ABCC4: variants seen among roughly 807,000 people sequenced by gnomAD.
ABCC4 encodes the protein ATP-binding cassette sub-family C member 4.
A neutral mutation model predicts 168.5 loss-of-function variants in ABCC4; 102 were observed. The observed-to-expected ratio is 0.61, with a 90% CI of 0.52 to 0.71. The LOEUF (loss-of-function observed/expected upper bound fraction) is 0.71, where lower values mean the gene tolerates loss of function less well. ABCC4 is among the 30% of genes least tolerant of loss of function. ABCC4 has a pLI of 0.00. For missense variants in ABCC4, 1,402 were observed against 1,605.8 expected (o/e 0.87, Z 2.17); for synonymous variants, 617 against 590.7 (o/e 1.04, Z -0.65).
intron 19 of ABCC4, among the ~76,000 whole-genome samples, chr13:95,157,522 GAGAAAAGAAAGGAAGGA>G: frequency 6.7e-6 from 1 of 149,062 alleles, no homozygotes; most frequent in Non-Finnish European, 1.5e-5. Context: ...AGGAAGGAAG[GAGAAAAGAAAGGAAGGA>G]AGAAAAGAAA....
intron 7 of ABCC4, 84 bp from the exon 8 acceptor site, chr13:95,206,865 G>A: frequency 6.8e-7 from 1 of 1,477,790 alleles, no homozygotes; most frequent in Non-Finnish European, 9.3e-7. Flanking sequence ...CACTTTGGGA[G>A]CTGAGGTGGA....
intron 3 of ABCC4, among the ~76,000 whole-genome samples, chr13:95,245,908 C>A (rs1409965305): frequency 2.8e-5 from 3 of 108,476 alleles, no homozygotes; most frequent in African/African-American, 9.7e-5. Context: ...CAACAAAATG[C>A]ACCGTGACAA....
At chr13:95,167,067 C>T (rs2037299930) in intron 14 of ABCC4, among the ~76,000 whole-genome samples, 1 of 151,972 alleles carries the variant, frequency 6.6e-6, no homozygotes, top group Non-Finnish European at 1.5e-5. Flanking sequence ...ATCCTAGCTA[C>T]TCGGGAGGCT....
intron 16 of ABCC4, 73 bp from the exon 17 acceptor site, chr13:95,163,720 T>C: frequency 2.3e-6 from 3 of 1,279,900 alleles, no homozygotes; most frequent in Non-Finnish European, 3.4e-6. Flanking sequence ...TCTCAATCGC[T>C]AACATGGACA....
rs187773409 is a variant in ABCC4, at chr13:95,155,242, G to A, written c.2455+5947C>T. On this transcript the variant is annotated intron_variant, in intron 19 of 30. Transcript: ENST00000645237. Reference sequence around the variant, plus strand: ...TTTTTTTTTGGAGACAGGTTGGAGTGCAGTGATGCAATCACAGCTCACTGC... The same window carrying A: ...TTTTTTTTTGGAGACAGGTTGGAGTACAGTGATGCAATCACAGCTCACTGC... Among the ~76,000 whole-genome samples, 5 of 151,400 alleles carry A rather than the reference G, an allele frequency of 3.3e-5. No homozygotes were observed. The East Asian group carries it at 9.7e-4, about 29-fold the overall frequency.
At chr13:95,022,783 G>A (rs1248127622) in intron 30 of ABCC4, among the ~76,000 whole-genome samples, 5 of 152,282 alleles carry the variant, frequency 3.3e-5, no homozygotes, top group South Asian at 2.1e-4. Flanking sequence ...TGGGATTCAC[G>A]TACAAAAAAG....
chr13:95,160,784 T>C (rs2037072405), intron 19 of ABCC4, among the ~76,000 whole-genome samples: 1 of 152,168 alleles, frequency 6.6e-6, no homozygotes, highest in African/African-American at 2.4e-5. Context: ...GCATTCCTGA[T>C]TACAAAGATC....
chr13:95,118,332 C>A (rs2035449496), intron 19 of ABCC4, among the ~76,000 whole-genome samples: 1 of 151,216 alleles, frequency 6.6e-6, no homozygotes, highest in South Asian at 2.1e-4. Flanking sequence ...CAACCTCTGT[C>A]TCCTGGGTTC....
chr13:95,112,944 G>C (rs1338328696), intron 20 of ABCC4, among the ~76,000 whole-genome samples: 1 of 152,118 alleles, frequency 6.6e-6, no homozygotes, highest in Non-Finnish European at 1.5e-5. Flanking sequence ...AAGTCATCCA[G>C]GAAATTTCCT....
At chr13:95,067,307 T>A (rs1375352745) in intron 25 of ABCC4, among the ~76,000 whole-genome samples, 1 of 152,180 alleles carries the variant, frequency 6.6e-6, no homozygotes, top group East Asian at 1.9e-4. Flanking sequence ...TGTAAATTCA[T>A]AATTTGCAGA....
intron 4 of ABCC4, among the ~76,000 whole-genome samples, chr13:95,212,915 G>A (rs1412594628): frequency 6.6e-6 from 1 of 151,974 alleles, no homozygotes; most frequent in Admixed American, 6.6e-5. Flanking sequence ...ATCACCTGAG[G>A]TCGGGAGTTC....
chr13:95,227,153 G>A (rs2039488671), intron 4 of ABCC4, among the ~76,000 whole-genome samples: 1 of 152,126 alleles, frequency 6.6e-6, no homozygotes, highest in Non-Finnish European at 1.5e-5. Context: ...CAGATGATGG[G>A]ACGCATCTGA....
chr13:95,202,860 A>G (rs2038670549), intron 8 of ABCC4, among the ~76,000 whole-genome samples: 1 of 151,916 alleles, frequency 6.6e-6, no homozygotes, highest in African/African-American at 2.4e-5. Context: ...GGGTTTCACC[A>G]TGCTGGCCAG....
intron 19 of ABCC4, among the ~76,000 whole-genome samples, chr13:95,146,783 T>G (rs2036514465): frequency 6.6e-6 from 1 of 152,170 alleles, no homozygotes; most frequent in African/African-American, 2.4e-5. Flanking sequence ...GCTTAAGTTG[T>G]CAAATAAATT....
chr13:95,161,110 T>C (rs2037084143), intron 19 of ABCC4, 79 bp downstream of exon 19: 1 of 1,155,260 alleles, frequency 8.7e-7, no homozygotes. Context: ...CCTTCCATTT[T>C]CAAAGATGGA....
intron 4 of ABCC4, among the ~76,000 whole-genome samples, chr13:95,220,658 G>A (rs1329349350): frequency 2.6e-5 from 4 of 152,132 alleles, no homozygotes; most frequent in Non-Finnish European, 5.9e-5. Context: ...GAGGATAAAG[G>A]AATTAGGAGA....
chr13:95,092,698 C>T (rs999849699), intron 20 of ABCC4, among the ~76,000 whole-genome samples: 1 of 151,854 alleles, frequency 6.6e-6, no homozygotes, highest in South Asian at 2.1e-4. Context: ...CAAACCCAAA[C>T]CCAGCAGAAG....
chr13:95,263,495 T>TA lies in ABCC4; in HGVS notation c.75-15743dup, dbSNP rs372283221. On this transcript the variant is annotated intron_variant, in intron 1 of 30. Coordinates refer to ENST00000645237, the MANE Select transcript of ABCC4 (RefSeq NM_005845.5). ...CAAATACATTCTAGCTTTGTCCGCT[T>TA]AGAGTTCCTAGAAGCAATGAGATCC... 2.6e-3 allele frequency among the ~76,000 whole-genome samples: 396 copies of TA among 152,212 alleles called. 1 individual carries two copies. Among genetic ancestry groups the TA allele is most frequent in the African/African-American group, 8.8e-3 (367 of 41,546 alleles).
intron 19 of ABCC4, among the ~76,000 whole-genome samples, chr13:95,136,196 G>T (rs1430871174): frequency 6.6e-6 from 1 of 151,930 alleles, no homozygotes; most frequent in Non-Finnish European, 1.5e-5. Context: ...TTTGAGACGG[G>T]GGTTTTCACT....
Sources: gnomAD v4.1 joint callset for allele counts (sites outside exome capture counted in the v4.1 genomes callset) on GRCh38, gnomAD v4.1.1 for gene constraint, MANE v1.5 for transcripts, NCBI Gene and HGNC (gene_info 2026-07-23, HGNC 2026-07-21) for gene names.